The following HMGCLL1 variants were observed in gnomAD, a reference collection of about 807,000 sequenced individuals.
HMGCLL1 encodes 3-hydroxymethyl-3-methylglutaryl-CoA lyase, cytoplasmic.
In HMGCLL1, 36 loss-of-function variants were observed where a neutral mutation model predicts 39.1. That is an observed-to-expected ratio of 0.92 (90% CI 0.71 to 1.22). HMGCLL1 has a LOEUF of 1.22. Among genes scored for constraint, HMGCLL1 ranks in the 50% most tolerant of loss-of-function variants. The pLI is 0.00. For missense variants in HMGCLL1, 451 were observed against 416.5 expected, an observed-to-expected ratio of 1.08 and a Z score of -0.72; for synonymous variants, 149 against 144.0, an observed-to-expected ratio of 1.03 and a Z score of -0.25.
chr6:55,617,776 G>A, the HMGCLL1 span, among the ~76,000 whole-genome samples: 1 of 151,998 alleles, frequency 6.6e-6, no homozygotes, highest in African/African-American at 2.4e-5. Flanking sequence ...CTTCTAGAGA[G>A]CTCCATGCCC....
the HMGCLL1 span, among the ~76,000 whole-genome samples, chr6:55,629,093 T>C: frequency 6.6e-6 from 1 of 152,050 alleles, no homozygotes; most frequent in Admixed American, 6.6e-5. Flanking sequence ...TTGGAACAGT[T>C]TGGAGGGCTC....
intron 1 of HMGCLL1, among the ~76,000 whole-genome samples, chr6:55,553,159 C>CTATATA (rs367984717): frequency 3.0e-5 from 4 of 134,132 alleles, no homozygotes; most frequent in African/African-American, 1.1e-4. Context: ...CTCTCTCTCT[C>CTATATA]TATATATATA....
chr6:55,459,826 G>A (rs9396098), intron 7 of HMGCLL1, among the ~76,000 whole-genome samples: 72,961 of 151,262 alleles, frequency 0.48, 18,771 homozygotes, highest in African/African-American at 0.67. Flanking sequence ...TATATATACA[G>A]ATAAATATAT....
At chr6:55,517,393 A>G (rs1767796569) in intron 3 of HMGCLL1, among the ~76,000 whole-genome samples, 1 of 152,070 alleles carries the variant, frequency 6.6e-6, no homozygotes. Context: ...TGAGCCTTAC[A>G]TATTTAAAAA....
chr6:55,649,290 C>G, the HMGCLL1 span, among the ~76,000 whole-genome samples: 1 of 151,808 alleles, frequency 6.6e-6, no homozygotes, highest in African/African-American at 2.4e-5. Flanking sequence ...AATTCCTGAG[C>G]TTTTGTTCAT....
At chr6:55,600,615 A>ATT in the HMGCLL1 span, among the ~76,000 whole-genome samples, 1 of 152,130 alleles carries the variant, frequency 6.6e-6, no homozygotes, top group African/African-American at 2.4e-5. Context: ...GTTAATGGAC[A>ATT]GCCTTTTAAA....
intron 1 of HMGCLL1, among the ~76,000 whole-genome samples, chr6:55,562,928 G>T (rs533074033): frequency 5.5e-4 from 82 of 149,032 alleles, no homozygotes; most frequent in Non-Finnish European, 9.8e-4. Flanking sequence ...CTAACTCCAA[G>T]AAAAAAAAAT....
the HMGCLL1 span, among the ~76,000 whole-genome samples, chr6:55,633,546 T>A: frequency 9.6e-4 from 146 of 151,380 alleles, no homozygotes; most frequent in South Asian, 4.4e-3. Context: ...CAGAAAAAAA[T>A]TTTCTGCATA....
chr6:55,439,316 G>T, intron 8 of HMGCLL1, 118 bp downstream of exon 8: 1 of 990,182 alleles, frequency 1.0e-6, no homozygotes, highest in Non-Finnish European at 1.5e-6. Context: ...GTGCATTTTA[G>T]CAAATAGCAA....
At chr6:55,642,898 T>G in the HMGCLL1 span, among the ~76,000 whole-genome samples, 5 of 152,142 alleles carry the variant, frequency 3.3e-5, no homozygotes, top group African/African-American at 1.2e-4. Context: ...AACATTTGAT[T>G]TTCCATTTCT....
chr6:55,498,246 A>T (rs572255597), intron 6 of HMGCLL1, among the ~76,000 whole-genome samples: 14 of 152,216 alleles, frequency 9.2e-5, no homozygotes, highest in South Asian at 8.3e-4. Flanking sequence ...ATTCTTAAAA[A>T]ATATATATAC....
chr6:55,539,923 G>GA (rs1769268273), intron 3 of HMGCLL1, among the ~76,000 whole-genome samples: 4 of 114,258 alleles, frequency 3.5e-5, no homozygotes, highest in Non-Finnish European at 7.6e-5. Flanking sequence ...AGAAAGAAAA[G>GA]GAGGATGAGG....
chr6:55,548,295 C>A (rs924236614), intron 1 of HMGCLL1, among the ~76,000 whole-genome samples: 2 of 151,912 alleles, frequency 1.3e-5, no homozygotes, highest in Non-Finnish European at 2.9e-5. Context: ...ATGATAAAAG[C>A]CCTCTCTGTA....
the HMGCLL1 span, among the ~76,000 whole-genome samples, chr6:55,662,510 C>A: frequency 1.3e-5 from 2 of 151,734 alleles, no homozygotes; most frequent in Non-Finnish European, 2.9e-5. Context: ...GTTGAACTAA[C>A]CTTGCATCCC....
At chr6:55,542,279 A>C (rs900905430) in intron 1 of HMGCLL1, 139 bp from the exon 2 acceptor site, 1 of 529,834 alleles carries the variant, frequency 1.9e-6, no homozygotes, top group African/African-American at 2.0e-5. Context: ...CAATGATATC[A>C]TGAAAATGCA....
chr6:55,435,888 G>A, intron 8 of HMGCLL1, 125 bp from the exon 9 acceptor site: 1 of 465,554 alleles, frequency 2.1e-6, no homozygotes, highest in South Asian at 4.2e-5. Context: ...AAGTGGTGTT[G>A]GTCATTATCA....
intron 7 of HMGCLL1, among the ~76,000 whole-genome samples, chr6:55,469,738 G>T (rs1403743409): frequency 6.6e-6 from 1 of 151,472 alleles, no homozygotes; most frequent in Non-Finnish European, 1.5e-5. Flanking sequence ...GAATCCAGGG[G>T]GCTTCTTATG....
chr6:55,618,316 TGTA>T, the HMGCLL1 span, among the ~76,000 whole-genome samples: 1 of 151,864 alleles, frequency 6.6e-6, no homozygotes, highest in Non-Finnish European at 1.5e-5. Context: ...GTATGTATGT[TGTA>T]GTTCACCAAA....
chr6:55,641,866 ATTTTTT>A, the HMGCLL1 span, among the ~76,000 whole-genome samples: 37 of 129,376 alleles, frequency 2.9e-4, 1 homozygote, highest in Admixed American at 2.1e-3. Flanking sequence ...TTTTTTTTTA[ATTTTTT>A]TTTATTTTTA....
Sources: gnomAD v4.1 joint callset for allele counts (sites outside exome capture counted in the v4.1 genomes callset) on GRCh38, gnomAD v4.1.1 for gene constraint, MANE v1.5 for transcripts, NCBI Gene and HGNC (gene_info 2026-07-23, HGNC 2026-07-21) for gene names.